The following PRLR variants were observed in gnomAD, a reference collection of about 807,000 sequenced individuals.
The protein encoded by PRLR is hPRL receptor.
In PRLR, 13 loss-of-function variants were observed where a neutral mutation model predicts 40.2. The ratio of observed to expected loss-of-function variants is 0.32; its 90% confidence interval spans 0.21 to 0.51. The LOEUF is 0.51. Among genes scored for constraint, PRLR ranks in the 20% least tolerant of loss-of-function variants. PRLR has a pLI of 0.97. For missense variants in PRLR, 656 were observed against 747.3 expected, an observed-to-expected ratio of 0.88 and a Z score of 1.42; for synonymous variants, 269 against 278.7, an observed-to-expected ratio of 0.97 and a Z score of 0.35.
intron 1 of PRLR, among the ~76,000 whole-genome samples, chr5:35,177,472 C>T (rs1048865458): frequency 2.6e-5 from 4 of 152,098 alleles, no homozygotes; most frequent in Admixed American, 2.6e-4. Context: ...CCCATCCCCA[C>T]CTCTCCCCAG....
chr5:35,104,873 G>A (rs577093641), intron 2 of PRLR, among the ~76,000 whole-genome samples: 3 of 152,162 alleles, frequency 2.0e-5, no homozygotes, highest in African/African-American at 7.2e-5. Context: ...AGAAAGTAGT[G>A]GTTCTCCCAC....
intron 1 of PRLR, among the ~76,000 whole-genome samples, chr5:35,207,210 C>T (rs764447604): frequency 6.6e-5 from 10 of 151,936 alleles, no homozygotes; most frequent in Non-Finnish European, 1.0e-4. Flanking sequence ...AAATTAGATG[C>T]AATTTTTGGA....
At chr5:35,186,790 T>A (rs1775446542) in intron 1 of PRLR, among the ~76,000 whole-genome samples, 1 of 152,194 alleles carries the variant, frequency 6.6e-6, no homozygotes, top group Admixed American at 6.5e-5. Context: ...CTTAAAAATC[T>A]ATTTGATTCA....
chr5:35,084,446 C>T (rs781616478), intron 5 of PRLR, 24 bp downstream of exon 5: 34 of 1,530,938 alleles, frequency 2.2e-5, no homozygotes, highest in Non-Finnish European at 2.9e-5. Flanking sequence ...TAAGAAATTC[C>T]TCACCCACTT....
intron 2 of PRLR, among the ~76,000 whole-genome samples, chr5:35,097,845 G>A (rs992649030): frequency 1.3e-5 from 2 of 152,122 alleles, no homozygotes; most frequent in Non-Finnish European, 2.9e-5. Flanking sequence ...CCCTAGGAAG[G>A]GGATTTTTAA....
At position 35,227,336 on chromosome 5, in the gene PRLR, C is replaced by T. The variant is rs1579823164; in HGVS notation, c.-106+2932G>A. Among the ~76,000 whole-genome samples the T allele has an allele frequency of 2.6e-5, 4 of 152,170 alleles. No individual in the cohort carries two copies. The East Asian group carries it at 7.7e-4, about 29-fold the overall frequency. On this transcript the variant is annotated intron_variant, in intron 1 of 9. Coordinates refer to ENST00000618457, the MANE Select transcript of PRLR (RefSeq NM_000949.7). ...TGGGTAGTGGAAAAAGAGTGGGTGC[C>T]AAAGTCAGACAGACCTGGGCTTGGA...
intron 1 of PRLR, among the ~76,000 whole-genome samples, chr5:35,133,325 C>A (rs1342992740): frequency 1.3e-5 from 2 of 152,106 alleles, no homozygotes; most frequent in Non-Finnish European, 2.9e-5. Context: ...CTCATGTATA[C>A]CTATATATAT....
chr5:35,116,270 A>G (rs974928484), intron 2 of PRLR, among the ~76,000 whole-genome samples: 2 of 152,190 alleles, frequency 1.3e-5, no homozygotes, highest in African/African-American at 4.8e-5. Context: ...TACCACAGAT[A>G]AATCTGCTAC....
chr5:35,083,924 A>T (rs1279145733), intron 5 of PRLR, among the ~76,000 whole-genome samples: 1 of 151,984 alleles, frequency 6.6e-6, no homozygotes, highest in Non-Finnish European at 1.5e-5. Flanking sequence ...AATGTTTAGT[A>T]AAAAAAATTA....
exon 9 of PRLR, chr5:35,049,200 A>T (rs1330389594): frequency 5.7e-6 from 4 of 701,416 alleles, no homozygotes; most frequent in Non-Finnish European, 1.0e-5. Flanking sequence ...GACACACAGC[A>T]TCTCCCTGGG....
At chr5:35,108,430 A>G (rs1267431547) in intron 2 of PRLR, among the ~76,000 whole-genome samples, 3 of 152,214 alleles carry the variant, frequency 2.0e-5, no homozygotes, top group African/African-American at 7.2e-5. Context: ...GAGGAAGTCA[A>G]ATTGTCCCTC....
At chr5:35,141,857 C>T (rs538035813) in intron 1 of PRLR, among the ~76,000 whole-genome samples, 48 of 152,166 alleles carry the variant, frequency 3.2e-4, no homozygotes, top group Non-Finnish European at 4.7e-4. Context: ...CTCTATCATC[C>T]TGCATTCATG....
At chr5:35,125,824 A>C (rs1773440524) in intron 1 of PRLR, among the ~76,000 whole-genome samples, 1 of 152,202 alleles carries the variant, frequency 6.6e-6, no homozygotes, top group South Asian at 2.1e-4. Flanking sequence ...AAGACTGTTG[A>C]GAGGGGAATG....
At chr5:35,130,925 A>G (rs1304300120) in intron 1 of PRLR, among the ~76,000 whole-genome samples, 1 of 152,208 alleles carries the variant, frequency 6.6e-6, no homozygotes, top group Non-Finnish European at 1.5e-5. Flanking sequence ...AGGAATGCCA[A>G]GGAGTGCTGC....
At chr5:35,130,774 T>C (rs555259257) in intron 1 of PRLR, among the ~76,000 whole-genome samples, 42 of 152,270 alleles carry the variant, frequency 2.8e-4, no homozygotes, top group Non-Finnish European at 2.8e-4. Flanking sequence ...GCAAATGTAA[T>C]TGGTTAAGAT....
At chr5:35,080,743 A>G (rs1006845966) in intron 5 of PRLR, among the ~76,000 whole-genome samples, 4 of 152,034 alleles carry the variant, frequency 2.6e-5, no homozygotes, top group African/African-American at 9.7e-5. Context: ...ACATGCACAC[A>G]TATGTTTATT....
intron 2 of PRLR, among the ~76,000 whole-genome samples, chr5:35,109,682 C>A (rs182002795): frequency 6.6e-5 from 10 of 152,064 alleles, no homozygotes; most frequent in Non-Finnish European, 1.2e-4. Flanking sequence ...ATCTCACACC[C>A]GTTAGAATGG....
At chr5:35,187,184 T>A (rs1165227210) in intron 1 of PRLR, among the ~76,000 whole-genome samples, 1 of 152,066 alleles carries the variant, frequency 6.6e-6, no homozygotes, top group Admixed American at 6.6e-5. Context: ...GTGGACCACT[T>A]GAGGTCAGGA....
At chr5:35,107,322 G>A (rs1183252576) in intron 2 of PRLR, among the ~76,000 whole-genome samples, 5 of 152,090 alleles carry the variant, frequency 3.3e-5, no homozygotes, top group African/African-American at 7.2e-5. Flanking sequence ...AAGAACTAGA[G>A]AAGCAAGAGC....
Sources: allele counts gnomAD v4.1 joint callset (sites outside exome capture counted in the v4.1 genomes callset), GRCh38; gene constraint gnomAD v4.1.1; transcripts MANE v1.5; gene names NCBI Gene and HGNC (gene_info 2026-07-23, HGNC 2026-07-21).